Variants in RAB38 observed in about 807,000 individuals in gnomAD.
RAB38 encodes ras-related protein Rab-38.
In RAB38, 15 loss-of-function variants were observed where a neutral mutation model predicts 18.4. The observed-to-expected ratio is 0.82, with a 90% CI of 0.55 to 1.26. RAB38 has a LOEUF of 1.26. Ranked by LOEUF, RAB38 falls within the 50% of genes most tolerant of loss-of-function variation. The pLI, the probability that RAB38 is intolerant of heterozygous loss-of-function variation, is 0.00. For missense variants in RAB38, 294 were observed against 267.4 expected (o/e 1.10, Z -0.69); for synonymous variants, 101 against 104.4 (o/e 0.97, Z 0.20).
At chr11:87,863,756 T>C in the RAB38 span, among the ~76,000 whole-genome samples, 3 of 151,924 alleles carry the variant, frequency 2.0e-5, no homozygotes, top group African/African-American at 7.2e-5. Context: ...AGTGTATAGC[T>C]CTTAAATCTT....
At chr11:88,029,302 T>C in the RAB38 span, among the ~76,000 whole-genome samples, 1 of 149,454 alleles carries the variant, frequency 6.7e-6, no homozygotes, top group Non-Finnish European at 1.5e-5. Context: ...CCATCGAGAC[T>C]AGGAAGAAAC....
chr11:87,947,581 G>A, the RAB38 span, among the ~76,000 whole-genome samples: 1 of 151,846 alleles, frequency 6.6e-6, no homozygotes, highest in Non-Finnish European at 1.5e-5. Context: ...TGTAAGGAAG[G>A]CATCCAGTTT....
At chr11:88,033,164 G>A in the RAB38 span, among the ~76,000 whole-genome samples, 2 of 152,044 alleles carry the variant, frequency 1.3e-5, no homozygotes, top group Middle Eastern at 3.2e-3. Flanking sequence ...ACTCATAGGT[G>A]GGAACTGAAC....
At chr11:87,902,482 T>G in the RAB38 span, among the ~76,000 whole-genome samples, 1,258 of 151,568 alleles carry the variant, frequency 8.3e-3, 14 homozygotes, top group African/African-American at 0.025. Flanking sequence ...CAGTACTGTT[T>G]TGGTCATTCC....
the RAB38 span, among the ~76,000 whole-genome samples, chr11:88,017,567 G>A: frequency 4.0e-5 from 6 of 150,886 alleles, no homozygotes; most frequent in Admixed American, 2.0e-4. Flanking sequence ...TAACTATTAC[G>A]TACCCTAGTC....
chr11:87,844,084 C>T, the RAB38 span, among the ~76,000 whole-genome samples: 1 of 152,160 alleles, frequency 6.6e-6, no homozygotes, highest in Non-Finnish European at 1.5e-5. Context: ...TATAACGTCT[C>T]ATCAGATTCA....
the RAB38 span, among the ~76,000 whole-genome samples, chr11:88,075,858 G>C: frequency 5.3e-5 from 8 of 150,380 alleles, no homozygotes; most frequent in Admixed American, 4.0e-4. Context: ...TCCAGCCTGA[G>C]TGATAGAGCA....
the RAB38 span, among the ~76,000 whole-genome samples, chr11:87,870,739 T>G: frequency 6.6e-6 from 1 of 151,586 alleles, no homozygotes; most frequent in Non-Finnish European, 1.5e-5. Context: ...TTAATAGAAA[T>G]AGACTTATAT....
the RAB38 span, among the ~76,000 whole-genome samples, chr11:87,872,140 T>C: frequency 1.3e-3 from 200 of 151,736 alleles, no homozygotes; most frequent in Non-Finnish European, 2.5e-3. Context: ...GACACTTGTT[T>C]GTCATTCATT....
the RAB38 span, among the ~76,000 whole-genome samples, chr11:88,097,283 A>G: frequency 1.3e-5 from 2 of 151,908 alleles, no homozygotes; most frequent in Non-Finnish European, 2.9e-5. Flanking sequence ...TCAATCAGAC[A>G]ACCAGCAAGC....
the RAB38 span, among the ~76,000 whole-genome samples, chr11:87,825,205 C>T: frequency 1.3e-5 from 2 of 152,046 alleles, no homozygotes; most frequent in East Asian, 3.9e-4. Context: ...GCATTATCTC[C>T]TGTGCACCTG....
the RAB38 span, among the ~76,000 whole-genome samples, chr11:88,044,353 C>A: frequency 6.6e-6 from 1 of 152,104 alleles, no homozygotes; most frequent in African/African-American, 2.4e-5. Flanking sequence ...CACCCCCCAA[C>A]CCCTTCTCTC....
chr11:88,026,800 T>A, the RAB38 span, among the ~76,000 whole-genome samples: 2 of 152,116 alleles, frequency 1.3e-5, no homozygotes, highest in South Asian at 4.1e-4. Flanking sequence ...GAGAAATCAT[T>A]AATTGGTACT....
At chr11:87,925,222 C>T in the RAB38 span, among the ~76,000 whole-genome samples, 6 of 152,084 alleles carry the variant, frequency 3.9e-5, no homozygotes, top group Non-Finnish European at 5.9e-5. Flanking sequence ...AGCTTAGAAC[C>T]TCTTACTTGG....
chr11:87,810,215 C>T, the RAB38 span, among the ~76,000 whole-genome samples: 1 of 152,144 alleles, frequency 6.6e-6, no homozygotes. Flanking sequence ...TACTGTCACT[C>T]TTTCTATCAC....
the RAB38 span, among the ~76,000 whole-genome samples, chr11:88,034,967 T>A: frequency 6.6e-6 from 1 of 152,264 alleles, no homozygotes; most frequent in African/African-American, 2.4e-5. Flanking sequence ...ATCAGCTGCA[T>A]ATGAGAGCTC....
At chr11:88,005,877 A>T in the RAB38 span, among the ~76,000 whole-genome samples, 1 of 151,494 alleles carries the variant, frequency 6.6e-6, no homozygotes, top group Non-Finnish European at 1.5e-5. Context: ...CATTGCATGT[A>T]CTTGACATCT....
At chr11:88,102,701 T>G in the RAB38 span, among the ~76,000 whole-genome samples, 2 of 152,078 alleles carry the variant, frequency 1.3e-5, no homozygotes, top group Non-Finnish European at 2.9e-5. Flanking sequence ...GTAATAATGC[T>G]AGGATTTGAA....
the RAB38 span, among the ~76,000 whole-genome samples, chr11:88,067,927 A>G: frequency 1.5e-4 from 22 of 149,054 alleles, no homozygotes; most frequent in Admixed American, 3.4e-4. Context: ...ATATATATAT[A>G]TACACACACA....
Sources: gnomAD v4.1 joint callset for allele counts (sites outside exome capture counted in the v4.1 genomes callset) on GRCh38, gnomAD v4.1.1 for gene constraint, MANE v1.5 for transcripts, NCBI Gene and HGNC (gene_info 2026-07-23, HGNC 2026-07-21) for gene names.